Variants in ATXN1 observed in about 807,000 individuals in gnomAD.
The protein encoded by ATXN1 is ataxin 1.
Under a neutral mutation model 56.4 loss-of-function variants are expected in ATXN1, and 8 were observed. The ratio of observed to expected loss-of-function variants is 0.14; its 90% CI spans 0.08 to 0.26. The LOEUF (loss-of-function observed/expected upper bound fraction) is 0.26, where lower values mean the gene tolerates loss of function less well. Among genes scored for constraint, ATXN1 ranks in the 10% least tolerant of loss-of-function variants. The probability of loss-of-function intolerance (pLI) is 1.00; values close to 1 mark genes in which losing one functional copy is unlikely to be tolerated. For synonymous variants in ATXN1, 514 were observed against 494.6 expected, an observed-to-expected ratio of 1.04 and a Z score of -0.52; for missense variants, 987 against 1,106.5, an observed-to-expected ratio of 0.89 and a Z score of 1.53.
At chr6:16,659,314 T>C (rs186726776) in intron 2 of ATXN1, among the ~76,000 whole-genome samples, 10 of 152,348 alleles carry the variant, frequency 6.6e-5, no homozygotes, top group Middle Eastern at 6.8e-3. Flanking sequence ...AACATACTGA[T>C]AGAAATCAAC....
chr6:16,419,616 C>T (rs1368177828), intron 6 of ATXN1, among the ~76,000 whole-genome samples: 1 of 152,110 alleles, frequency 6.6e-6, no homozygotes, highest in Non-Finnish European at 1.5e-5. Context: ...GGCCAGGCTG[C>T]ACCACATCCC....
At chr6:16,320,371 C>G (rs1760620414) in intron 7 of ATXN1, among the ~76,000 whole-genome samples, 1 of 152,164 alleles carries the variant, frequency 6.6e-6, no homozygotes, top group Non-Finnish European at 1.5e-5. Context: ...GAATATTAAG[C>G]AGCCACCGAG....
chr6:16,370,909 G>A (rs906169155), intron 6 of ATXN1, among the ~76,000 whole-genome samples: 1 of 152,180 alleles, frequency 6.6e-6, no homozygotes, highest in East Asian at 1.9e-4. Flanking sequence ...ATAAATTAAT[G>A]GAGCTAAATA....
At position 16,424,638 on chromosome 6, in the gene ATXN1, C is replaced by T. The variant is rs117150537; in HGVS notation, c.-161+61334G>A. Among the ~76,000 whole-genome samples, 923 of 152,254 alleles carry T rather than the reference C, an allele frequency of 6.1e-3. 18 individuals are homozygous for T. The East Asian group carries it at 0.07, about 12-fold the overall frequency. Reference sequence around the variant, plus strand: ...TCTGTCTGCCCTGCTACTCAGAAGACGGTGGAAGGAATGCTGAAGTAAGCT... The same window carrying T: ...TCTGTCTGCCCTGCTACTCAGAAGATGGTGGAAGGAATGCTGAAGTAAGCT... On this transcript the variant is annotated intron_variant, in intron 6 of 7. Coordinates refer to ENST00000436367, the MANE Select transcript of ATXN1 (RefSeq NM_001128164.2).
intron 5 of ATXN1, among the ~76,000 whole-genome samples, chr6:16,511,231 G>A (rs146049869): frequency 6.6e-6 from 1 of 152,190 alleles, no homozygotes; most frequent in Admixed American, 6.5e-5. Flanking sequence ...GGAAGCTGGG[G>A]AAAGTCCTGC....
At chr6:16,319,460 T>C (rs940038317) in intron 7 of ATXN1, among the ~76,000 whole-genome samples, 3 of 152,102 alleles carry the variant, frequency 2.0e-5, no homozygotes, top group Admixed American at 6.6e-5. Context: ...GGGGGACAAA[T>C]AGTTGATGCA....
chr6:16,468,994 G>A (rs1245906383), intron 6 of ATXN1, among the ~76,000 whole-genome samples: 1 of 152,160 alleles, frequency 6.6e-6, no homozygotes, highest in East Asian at 1.9e-4. Context: ...CAGGAAGTTA[G>A]ATTTTAAGGT....
intron 2 of ATXN1, among the ~76,000 whole-genome samples, chr6:16,746,825 G>A (rs1760550296): frequency 1.3e-5 from 2 of 152,048 alleles, no homozygotes; most frequent in African/African-American, 4.8e-5. Context: ...AGAAGCAAAG[G>A]TCTTGGGGGA....
chr6:16,381,307 G>T (rs930529007), intron 6 of ATXN1, among the ~76,000 whole-genome samples: 1 of 152,066 alleles, frequency 6.6e-6, no homozygotes, highest in African/African-American at 2.4e-5. Context: ...GGGGAAATGT[G>T]GACTCAGGCA....
At chr6:16,611,058 G>C (rs112714435) in intron 3 of ATXN1, among the ~76,000 whole-genome samples, 1 of 151,912 alleles carries the variant, frequency 6.6e-6, no homozygotes, top group Non-Finnish European at 1.5e-5. Flanking sequence ...CATATAAGGA[G>C]AGCATATAAC....
At chr6:16,542,728 G>A (rs1043270588) in intron 4 of ATXN1, among the ~76,000 whole-genome samples, 1 of 152,118 alleles carries the variant, frequency 6.6e-6, no homozygotes, top group African/African-American at 2.4e-5. Context: ...CCCAGTGGAC[G>A]CCTAAAACCA....
chr6:16,584,053 C>G (rs912678535), intron 4 of ATXN1, among the ~76,000 whole-genome samples: 1 of 151,452 alleles, frequency 6.6e-6, no homozygotes, highest in African/African-American at 2.4e-5. Context: ...GAGAAGGGTA[C>G]TATTATTATC....
chr6:16,497,864 T>C (rs914961658), intron 5 of ATXN1, among the ~76,000 whole-genome samples: 1 of 145,584 alleles, frequency 6.9e-6, no homozygotes, highest in Non-Finnish European at 1.5e-5. Context: ...TTTGCAGAAG[T>C]TGAACATTAG....
At chr6:16,323,606 A>AAGG (rs1760734741) in intron 7 of ATXN1, among the ~76,000 whole-genome samples, 2 of 150,300 alleles carry the variant, frequency 1.3e-5, no homozygotes, top group African/African-American at 4.9e-5. Flanking sequence ...AGTGTGGCCC[A>AAGG]CAGCTGAAGT....
At chr6:16,642,865 A>G (rs1561791081) in intron 3 of ATXN1, among the ~76,000 whole-genome samples, 1 of 152,254 alleles carries the variant, frequency 6.6e-6, no homozygotes, top group Non-Finnish European at 1.5e-5. Flanking sequence ...TAATTAATAG[A>G]CTATAGTATG....
chr6:16,656,748 T>C (rs915897351), intron 3 of ATXN1, among the ~76,000 whole-genome samples: 2 of 152,140 alleles, frequency 1.3e-5, no homozygotes, highest in African/African-American at 2.4e-5. Context: ...GAGAAATGCA[T>C]TGTTAGGTGA....
At chr6:16,542,912 C>A (rs1364934185) in intron 4 of ATXN1, among the ~76,000 whole-genome samples, 1 of 151,998 alleles carries the variant, frequency 6.6e-6, no homozygotes. Context: ...GTGTCTCTCT[C>A]TCTCTCTCAA....
At chr6:16,534,763 A>C (rs757729048) in intron 4 of ATXN1, among the ~76,000 whole-genome samples, 2 of 152,184 alleles carry the variant, frequency 1.3e-5, no homozygotes, top group African/African-American at 4.8e-5. Context: ...TAGATATTTA[A>C]GAGACTATCT....
intron 3 of ATXN1, among the ~76,000 whole-genome samples, chr6:16,625,898 T>C (rs145213526): frequency 8.5e-5 from 13 of 152,310 alleles, no homozygotes; most frequent in African/African-American, 2.6e-4. Flanking sequence ...CTGATCCCCT[T>C]GAGTGGCAAT....
Sources: gnomAD v4.1 joint callset for allele counts (sites outside exome capture counted in the v4.1 genomes callset) on GRCh38, gnomAD v4.1.1 for gene constraint, MANE v1.5 for transcripts, NCBI Gene and HGNC (gene_info 2026-07-23, HGNC 2026-07-21) for gene names.